The following CIMIP6 variants were observed in gnomAD, a reference collection of about 807,000 sequenced individuals.
CIMIP6 encodes ciliary microtubule inner protein 6.
chr2:54,382,044 A>G, the CIMIP6 span: 7 of 1,445,184 alleles, frequency 4.8e-6, no homozygotes, highest in Non-Finnish European at 5.4e-6. Flanking sequence ...GAAGTTAGGT[A>G]GCTCACTCCC....
the CIMIP6 span, among the ~76,000 whole-genome samples, chr2:54,372,126 A>C: frequency 6.6e-6 from 1 of 152,168 alleles, no homozygotes; most frequent in African/African-American, 2.4e-5. Context: ...TTAAAATGGG[A>C]CAGCAGATAA....
the CIMIP6 span, among the ~76,000 whole-genome samples, chr2:54,337,682 A>G: frequency 1.3e-5 from 2 of 152,244 alleles, no homozygotes; most frequent in African/African-American, 2.4e-5. Context: ...ATGTTGGAAA[A>G]AAAATGAACA....
At chr2:54,353,246 C>G in the CIMIP6 span, among the ~76,000 whole-genome samples, 1 of 152,104 alleles carries the variant, frequency 6.6e-6, no homozygotes, top group African/African-American at 2.4e-5. Flanking sequence ...TTACTGTCAC[C>G]TTAGGCAGCT....
At chr2:54,382,039 T>G in the CIMIP6 span, 159 of 1,450,024 alleles carry the variant, frequency 1.1e-4, no homozygotes, top group Non-Finnish European at 1.3e-4. Context: ...CCAGAGAAGT[T>G]AGGTAGCTCA....
At chr2:54,331,844 T>C in the CIMIP6 span, among the ~76,000 whole-genome samples, 3 of 152,212 alleles carry the variant, frequency 2.0e-5, no homozygotes, top group Non-Finnish European at 4.4e-5. Context: ...TTCCAAAGCC[T>C]GTATTTTTGT....
At chr2:54,356,437 C>T in the CIMIP6 span, among the ~76,000 whole-genome samples, 2 of 152,180 alleles carry the variant, frequency 1.3e-5, no homozygotes, top group East Asian at 3.9e-4. Context: ...TCTCCCACAA[C>T]TTATTCTTCT....
At chr2:54,377,896 T>C in the CIMIP6 span, among the ~76,000 whole-genome samples, 1 of 152,184 alleles carries the variant, frequency 6.6e-6, no homozygotes, top group Non-Finnish European at 1.5e-5. Flanking sequence ...AAGAAAAAGA[T>C]AAAGCTGGTA....
chr2:54,333,444 T>A, the CIMIP6 span, among the ~76,000 whole-genome samples: 3 of 152,082 alleles, frequency 2.0e-5, no homozygotes, highest in South Asian at 6.2e-4. Context: ...GATTGATGTG[T>A]CCCTGGAACT....
the CIMIP6 span, among the ~76,000 whole-genome samples, chr2:54,345,230 C>A: frequency 6.6e-6 from 1 of 151,850 alleles, no homozygotes; most frequent in African/African-American, 2.4e-5. Flanking sequence ...AAATGAAGAC[C>A]CTAAGACACA....
At chr2:54,363,485 A>G in the CIMIP6 span, among the ~76,000 whole-genome samples, 4 of 152,100 alleles carry the variant, frequency 2.6e-5, no homozygotes, top group East Asian at 3.9e-4. Flanking sequence ...AAGTTGATAA[A>G]TGGCCCAAGG....
At chr2:54,338,118 C>G in the CIMIP6 span, among the ~76,000 whole-genome samples, 159 of 152,060 alleles carry the variant, frequency 1.0e-3, 1 homozygote, top group South Asian at 0.011. Flanking sequence ...GCCTGAGTGA[C>G]AGAGTGAGAC....
At chr2:54,357,528 G>T in the CIMIP6 span, among the ~76,000 whole-genome samples, 1 of 150,444 alleles carries the variant, frequency 6.6e-6, no homozygotes, top group Non-Finnish European at 1.5e-5. Flanking sequence ...TTACCAGTTT[G>T]TTACATAGCA....
the CIMIP6 span, among the ~76,000 whole-genome samples, chr2:54,351,581 T>G: frequency 6.6e-6 from 1 of 151,974 alleles, no homozygotes. Flanking sequence ...TGAAAACACA[T>G]GGACACAAGG....
chr2:54,344,354 A>G, the CIMIP6 span, among the ~76,000 whole-genome samples: 5 of 152,222 alleles, frequency 3.3e-5, no homozygotes, highest in Non-Finnish European at 7.3e-5. Context: ...TAGCAAAGCA[A>G]TAAACTCTTA....
chr2:54,334,500 C>T, the CIMIP6 span, among the ~76,000 whole-genome samples: 6 of 152,302 alleles, frequency 3.9e-5, no homozygotes, highest in East Asian at 5.8e-4. Flanking sequence ...TATCCACACA[C>T]GTGAGTACTG....
At chr2:54,360,044 G>A in the CIMIP6 span, among the ~76,000 whole-genome samples, 1 of 152,198 alleles carries the variant, frequency 6.6e-6, no homozygotes, top group African/African-American at 2.4e-5. Context: ...CCCATATATG[G>A]TGGTGTCTAG....
the CIMIP6 span, chr2:54,358,920 C>T: frequency 2.9e-6 from 3 of 1,018,106 alleles, no homozygotes. Context: ...ATAAACAAAT[C>T]TAATTTTTTG....
the CIMIP6 span, among the ~76,000 whole-genome samples, chr2:54,359,590 C>A: frequency 6.7e-6 from 1 of 148,994 alleles, no homozygotes; most frequent in African/African-American, 2.5e-5. Context: ...AGTCTCATTT[C>A]TAATAACAAT....
chr2:54,360,358 A>G, the CIMIP6 span: 3 of 1,610,270 alleles, frequency 1.9e-6, no homozygotes, highest in Middle Eastern at 1.7e-4. Flanking sequence ...GAATGATCTC[A>G]CCAGGTCTCT....
Sources: gnomAD v4.1 joint callset for allele counts (sites outside exome capture counted in the v4.1 genomes callset) on GRCh38, gnomAD v4.1.1 for gene constraint, MANE v1.5 for transcripts, NCBI Gene and HGNC (gene_info 2026-07-23, HGNC 2026-07-21) for gene names.